NDFIP2: variants seen among roughly 807,000 people sequenced by gnomAD.
NDFIP2 encodes the protein Nedd4 family interacting protein 2, also known as NEDD4 family-interacting protein 2.
In NDFIP2, 19 loss-of-function variants were observed where a neutral mutation model predicts 36.0. The ratio of observed to expected loss-of-function variants is 0.53; its 90% confidence interval spans 0.37 to 0.77. The LOEUF (loss-of-function observed/expected upper bound fraction) is 0.77. Ranked by LOEUF, NDFIP2 falls within the 30% of genes least tolerant of loss-of-function variation. NDFIP2 has a pLI of 0.00. For missense variants in NDFIP2, 446 were observed against 435.8 expected, an observed-to-expected ratio of 1.02 and a Z score of -0.21; for synonymous variants, 181 against 167.7, an observed-to-expected ratio of 1.08 and a Z score of -0.61.
At chr13:79,551,245 T>C in intron 7 of NDFIP2, 123 bp downstream of exon 7, 1 of 464,470 alleles carries the variant, frequency 2.2e-6, no homozygotes, top group Non-Finnish European at 3.8e-6. Context: ...TATTTTTTAA[T>C]ACTGCTAACA....
intron 4 of NDFIP2, among the ~76,000 whole-genome samples, chr13:79,543,313 G>A (rs551397867): frequency 2.8e-4 from 43 of 152,278 alleles, no homozygotes; most frequent in Non-Finnish European, 5.4e-4. Flanking sequence ...TTAATGATAA[G>A]CTTTCAGGAA....
intron 1 of NDFIP2, among the ~76,000 whole-genome samples, chr13:79,510,382 GT>G (rs567176342): frequency 8.8e-4 from 121 of 137,070 alleles, no homozygotes; most frequent in Middle Eastern, 3.8e-3. Flanking sequence ...GATTTTTTTT[GT>G]TTTTTTTTTT....
chr13:79,504,573 G>T (rs1873787878), intron 1 of NDFIP2, among the ~76,000 whole-genome samples: 1 of 151,384 alleles, frequency 6.6e-6, no homozygotes, highest in Non-Finnish European at 1.5e-5. Context: ...ATTGAGATCT[G>T]ATCTGTGATT....
At chr13:79,495,451 C>A (rs550040113) in intron 1 of NDFIP2, among the ~76,000 whole-genome samples, 6 of 151,820 alleles carry the variant, frequency 4.0e-5, no homozygotes, top group Admixed American at 3.9e-4. Flanking sequence ...ATTAATAAAG[C>A]CTTCTTATTT....
At chr13:79,538,001 G>T (rs2760103) in intron 3 of NDFIP2, among the ~76,000 whole-genome samples, 5 of 151,824 alleles carry the variant, frequency 3.3e-5, no homozygotes, top group African/African-American at 9.7e-5. Context: ...CGGAAGGTGA[G>T]GGGGAAGCAG....
intron 3 of NDFIP2, among the ~76,000 whole-genome samples, chr13:79,539,386 A>G (rs1196585860): frequency 6.6e-6 from 1 of 152,172 alleles, no homozygotes; most frequent in African/African-American, 2.4e-5. Flanking sequence ...TTTCCCAGTC[A>G]TTACTAATGG....
intron 2 of NDFIP2, among the ~76,000 whole-genome samples, chr13:79,527,345 T>C (rs1342337039): frequency 6.6e-6 from 1 of 152,234 alleles, no homozygotes. Flanking sequence ...ACATATATGA[T>C]GTGATCCCCA....
chr13:79,491,205 C>T (rs1873213157), intron 1 of NDFIP2, among the ~76,000 whole-genome samples: 1 of 152,098 alleles, frequency 6.6e-6, no homozygotes, highest in African/African-American at 2.4e-5. Flanking sequence ...TCCATACCTG[C>T]CATATGGTAG....
At chr13:79,542,349 G>T (rs1875487715) in intron 4 of NDFIP2, among the ~76,000 whole-genome samples, 1 of 152,234 alleles carries the variant, frequency 6.6e-6, no homozygotes, top group South Asian at 2.1e-4. Context: ...TAATTAGAAG[G>T]GTGTTTTGAA....
chr13:79,536,276 A>T (rs1875235344), intron 3 of NDFIP2, among the ~76,000 whole-genome samples: 1 of 152,186 alleles, frequency 6.6e-6, no homozygotes, highest in African/African-American at 2.4e-5. Flanking sequence ...CTTGTTTTAA[A>T]TTGTTGCAGT....
chr13:79,537,256 C>T (rs945818349), intron 3 of NDFIP2, among the ~76,000 whole-genome samples: 24 of 152,006 alleles, frequency 1.6e-4, no homozygotes, highest in African/African-American at 5.8e-4. Context: ...TACAGGAGCA[C>T]GCCACCACAT....
intron 1 of NDFIP2, among the ~76,000 whole-genome samples, chr13:79,513,710 CTCT>C (rs1303091738): frequency 6.8e-6 from 1 of 146,698 alleles, no homozygotes; most frequent in African/African-American, 2.4e-5. Context: ...TAGTTTTTTT[CTCT>C]TCTTTTTTTT....
intron 2 of NDFIP2, among the ~76,000 whole-genome samples, chr13:79,532,759 C>T (rs1875065962): frequency 2.0e-5 from 3 of 152,126 alleles, no homozygotes; most frequent in Admixed American, 2.0e-4. Flanking sequence ...AAAATTACCC[C>T]TTGTATGTTA....
chr13:79,515,346 T>C (rs995541501), intron 1 of NDFIP2, among the ~76,000 whole-genome samples: 3 of 152,224 alleles, frequency 2.0e-5, no homozygotes, highest in Admixed American at 6.5e-5. Flanking sequence ...AAGATATACC[T>C]GTGTTATATT....
chr13:79,514,581 C>T (rs1397850332), intron 1 of NDFIP2, among the ~76,000 whole-genome samples: 2 of 152,152 alleles, frequency 1.3e-5, no homozygotes, highest in Non-Finnish European at 2.9e-5. Flanking sequence ...TTCCTCAGAA[C>T]TTGATTTTAA....
chr13:79,481,418 G>C lies in NDFIP2; in HGVS notation c.215G>C (p.Gly72Ala), dbSNP rs1342900927. The change falls in exon 1 of 8, where the codon GGG becomes GCG. Residue 72 changes from glycine (G) to alanine (A), a missense_variant. Coordinates refer to ENST00000218652, the MANE Select transcript of NDFIP2 (RefSeq NM_019080.3). ...CCTGCGGCGACGACGTCGTCGACGGGGGTGGCCGTGGGAGCTGAGCACGGA... is the reference window on the plus strand; with the variant it reads ...CCTGCGGCGACGACGTCGTCGACGGCGGTGGCCGTGGGAGCTGAGCACGGA... ...RGPAATTSST[G>A]VAVGAEHGED... 4.5e-6 allele frequency: 7 copies of C among 1,558,218 alleles called. No homozygotes were observed. The Admixed American group carries it at 1.2e-4, about 26-fold the overall frequency.
intron 3 of NDFIP2, among the ~76,000 whole-genome samples, chr13:79,535,483 G>A (rs1222688543): frequency 6.6e-6 from 1 of 152,074 alleles, no homozygotes; most frequent in Non-Finnish European, 1.5e-5. Context: ...AGCCAGAATT[G>A]GAACATGTCC....
At chr13:79,517,952 GAT>G (rs1228535579) in intron 1 of NDFIP2, among the ~76,000 whole-genome samples, 1 of 152,140 alleles carries the variant, frequency 6.6e-6, no homozygotes, top group Non-Finnish European at 1.5e-5. Context: ...TTTAATAAGA[GAT>G]GTGGAAAAGT....
At chr13:79,522,335 C>T (rs1477827167) in intron 2 of NDFIP2, among the ~76,000 whole-genome samples, 3 of 151,882 alleles carry the variant, frequency 2.0e-5, no homozygotes, top group Non-Finnish European at 4.4e-5. Flanking sequence ...GACTTTGCTA[C>T]CTTAGATTAA....
Sources: gnomAD v4.1 joint callset for allele counts (sites outside exome capture counted in the v4.1 genomes callset) on GRCh38, gnomAD v4.1.1 for gene constraint, MANE v1.5 for transcripts, NCBI Gene and HGNC (gene_info 2026-07-23, HGNC 2026-07-21) for gene names.